Variants in PTPN20 observed in about 807,000 individuals in gnomAD.
PTPN20 encodes the protein protein tyrosine phosphatase non-receptor type 20.
A neutral mutation model predicts 35.0 loss-of-function variants in PTPN20; 9 were observed. The observed-to-expected ratio is 0.26, with a 90% CI of 0.15 to 0.45. The LOEUF (loss-of-function observed/expected upper bound fraction) is 0.45. Ranked by LOEUF, PTPN20 falls within the 20% of genes least tolerant of loss-of-function variation. The pLI is 1.00. For missense variants in PTPN20, 111 were observed against 312.5 expected (o/e 0.36, Z 4.86); for synonymous variants, 32 against 100.2 (o/e 0.32, Z 4.06).
At chr10:46,992,363 T>A (rs1375583204) in intron 9 of PTPN20, among the ~76,000 whole-genome samples, 1 of 151,990 alleles carries the variant, frequency 6.6e-6, no homozygotes, top group East Asian at 1.9e-4. Context: ...CCCCAAGAGA[T>A]CCTCCCACCT....
chr10:46,983,080 T>C (rs1240948716), intron 7 of PTPN20, among the ~76,000 whole-genome samples: 16 of 112,618 alleles, frequency 1.4e-4, no homozygotes, highest in South Asian at 6.9e-4. Context: ...TTTTTTTTTT[T>C]TTTTTTGTTT....
In PTPN20 at chr10:47,001,994, T is replaced by C. The variant is rs1470896242; in HGVS notation, c.*1253T>C. On this transcript the variant is annotated 3_prime_UTR_variant, in exon 11 of 11. Transcript: ENST00000374339. ...TTCTATGTATTGAGAAAATGTTTAA[T>C]ATCAATCTATAAATCTTGAATTTCT... The C allele has an allele frequency of 6.6e-6, 1 of 152,146 alleles. No individual in the cohort carries two copies. Among genetic ancestry groups the C allele is most frequent in the African/African-American group, 2.4e-5 (1 of 41,464 alleles). 9.4% of individuals were successfully genotyped at this position (152,146 alleles called of 1,614,324 possible).
At chr10:46,993,655 T>A (rs1438166683) in intron 9 of PTPN20, among the ~76,000 whole-genome samples, 6 of 152,140 alleles carry the variant, frequency 3.9e-5, no homozygotes, top group Admixed American at 6.5e-5. Flanking sequence ...AAAGAAAAAA[T>A]TTTAAAAAAA....
chr10:46,955,042 G>C (rs1464548046), intron 5 of PTPN20: 2 of 151,260 alleles, frequency 1.3e-5, no homozygotes, highest in Non-Finnish European at 2.9e-5. Context: ...TAAAGTATTT[G>C]AGAGAGAGGG....
intron 2 of PTPN20, among the ~76,000 whole-genome samples, chr10:46,936,492 G>A (rs1485511016): frequency 1.1e-4 from 16 of 151,972 alleles, no homozygotes; most frequent in Non-Finnish European, 1.6e-4. Flanking sequence ...CATTTTGTAA[G>A]GCTGTAGCTG....
At chr10:46,953,335 T>TTTTCTTTCTTTCTTTCTTTCTTTC (rs201614690) in intron 5 of PTPN20, among the ~76,000 whole-genome samples, 41 of 113,450 alleles carry the variant, frequency 3.6e-4, no homozygotes, top group East Asian at 8.9e-4. Flanking sequence ...CTTTCATTTC[T>TTTTCTTTCTTTCTTTCTTTCTTTC]TTTCTTTCTT....
At chr10:46,940,794 G>A in intron 3 of PTPN20, 77 bp downstream of exon 3, 3 of 1,295,162 alleles carry the variant, frequency 2.3e-6, no homozygotes, top group East Asian at 2.4e-5. Context: ...TGGGAAATGG[G>A]TATCTATTTG....
At chr10:46,995,341 T>C (rs1187984483) in intron 9 of PTPN20, among the ~76,000 whole-genome samples, 2 of 146,664 alleles carry the variant, frequency 1.4e-5, no homozygotes, top group Non-Finnish European at 3.0e-5. Context: ...TTCTTTTTTT[T>C]TTTTTTTTTT....
At position 46,945,230 on chromosome 10, in the gene PTPN20, CA is replaced by C. The variant is rs2044366268; in HGVS notation, c.227+1216del. ...TGTGAAGCTGAGTATACATTTTATT[CA>C]GTCTGTTAAAATCAAAAGGATGCAT... On this transcript the variant is annotated intron_variant, in intron 4 of 10. Coordinates refer to ENST00000374339, the MANE Select transcript of PTPN20 (RefSeq NM_001042357.5). Among the ~76,000 whole-genome samples, 4 of 151,646 alleles carry C rather than the reference CA, an allele frequency of 2.6e-5. No homozygotes were observed. The South Asian group carries it at 8.3e-4, about 32-fold the overall frequency.
chr10:46,959,093 A>T lies in PTPN20; in HGVS notation c.341-5893A>T, dbSNP rs1174907080. The stretch of plus-strand genomic sequence containing the variant: ...TTCTGTCTAATTGTTCTATCCACTA[A>T]TGAAAATGGGATATTGAAATCTTCA... On this transcript the variant is annotated intron_variant, in intron 5 of 10. Transcript: ENST00000374339. Among the ~76,000 whole-genome samples, 15 of 143,948 alleles carry T rather than the reference A, an allele frequency of 1.0e-4. 2 individuals are homozygous for T. The highest frequency in any genetic ancestry group is 2.3e-4 in the Non-Finnish European group (15 of 64,936). 94.4% of individuals were successfully genotyped at this position (143,948 alleles called of 152,430 possible).
intron 5 of PTPN20, among the ~76,000 whole-genome samples, chr10:46,949,057 T>C (rs1433539382): frequency 6.6e-6 from 1 of 151,588 alleles, no homozygotes; most frequent in Non-Finnish European, 1.5e-5. Flanking sequence ...GCAGTGGGTA[T>C]ACACTTATAC....
chr10:46,995,326 T>A lies in PTPN20; in HGVS notation c.1135-4586T>A, dbSNP rs1375939525. Among the ~76,000 whole-genome samples, 3 of 138,986 alleles carry A rather than the reference T, an allele frequency of 2.2e-5. No homozygotes were observed. In the Admixed American group the frequency reaches 2.2e-4, roughly 10 times the overall value. 91.2% of individuals were successfully genotyped at this position (138,986 alleles called of 152,430 possible). On this transcript the variant is annotated intron_variant, in intron 9 of 10. Coordinates refer to ENST00000374339, the MANE Select transcript of PTPN20 (RefSeq NM_001042357.5). The stretch of plus-strand genomic sequence containing the variant: ...TCTATGTAATTTACCTGTCGAATTT[T>A]TTTTTTCTTTTTTTTTTTTTTTTTT...
chr10:46,985,035 T>TGGA (rs1409725502), intron 8 of PTPN20, among the ~76,000 whole-genome samples: 1 of 90,122 alleles, frequency 1.1e-5, no homozygotes, highest in Non-Finnish European at 2.2e-5. Context: ...ACAGGTTTAC[T>TGGA]GGAGGAGGTG....
chr10:46,938,088 T>C (rs1250414250), intron 2 of PTPN20, among the ~76,000 whole-genome samples: 1 of 151,948 alleles, frequency 6.6e-6, no homozygotes, highest in Non-Finnish European at 1.5e-5. Flanking sequence ...GTAGCTGGGA[T>C]TGCAGGTGCG....
chr10:46,922,746 A>G (rs1276193950), intron 1 of PTPN20, among the ~76,000 whole-genome samples: 3 of 139,682 alleles, frequency 2.1e-5, no homozygotes, highest in Non-Finnish European at 3.0e-5. Context: ...GGCCCTGGAA[A>G]CCTAATGAAA....
chr10:46,937,928 T>C (rs1470434383), intron 2 of PTPN20, among the ~76,000 whole-genome samples: 1 of 140,926 alleles, frequency 7.1e-6, no homozygotes, highest in Non-Finnish European at 1.5e-5. Flanking sequence ...TTTCTTTTTT[T>C]CTTCTTTTTT....
chr10:46,937,904 TTTTTTC>T (rs2042192897), intron 2 of PTPN20, among the ~76,000 whole-genome samples: 1 of 147,678 alleles, frequency 6.8e-6, no homozygotes, highest in Non-Finnish European at 1.5e-5. Context: ...TGGTGCTGGA[TTTTTTC>T]TTTTTCTTTT....
intron 1 of PTPN20, among the ~76,000 whole-genome samples, chr10:46,932,149 G>T (rs1555119876): frequency 6.6e-6 from 1 of 150,876 alleles, no homozygotes; most frequent in East Asian, 1.9e-4. Flanking sequence ...TTTATTTGTG[G>T]AATGCAAGGT....
At chr10:46,985,496 A>ATT (rs1407502544) in intron 8 of PTPN20, among the ~76,000 whole-genome samples, 1 of 138,832 alleles carries the variant, frequency 7.2e-6, no homozygotes, top group Admixed American at 7.3e-5. Flanking sequence ...AATTTAAGTT[A>ATT]TTTAAATTTA....
Sources: gnomAD v4.1 joint callset for allele counts (sites outside exome capture counted in the v4.1 genomes callset) on GRCh38, gnomAD v4.1.1 for gene constraint, MANE v1.5 for transcripts, NCBI Gene and HGNC (gene_info 2026-07-23, HGNC 2026-07-21) for gene names.